CUX1: variants seen among roughly 807,000 people sequenced by gnomAD.
CUX1 encodes the protein cut like homeobox 1, also known as protein CASP.
A neutral mutation model predicts 158.8 loss-of-function variants in CUX1; 31 were observed. The ratio of observed to expected loss-of-function variants is 0.20; its 90% CI spans 0.15 to 0.26. The LOEUF is 0.26. Among genes scored for constraint, CUX1 ranks in the 10% least tolerant of loss-of-function variants. The probability of loss-of-function intolerance (pLI) is 1.00; values close to 1 mark genes in which losing one functional copy is unlikely to be tolerated. For missense variants in CUX1, 1,589 were observed against 2,014.6 expected (o/e 0.79, Z 4.04); for synonymous variants, 879 against 862.1 (o/e 1.02, Z -0.34).
At chr7:102,263,346 C>A in intron 14 of CUX1, among the ~76,000 whole-genome samples, 1 of 126,216 alleles carries the variant, frequency 7.9e-6, no homozygotes, top group Non-Finnish European at 1.6e-5. Flanking sequence ...GATGGAGTCT[C>A]ACTGTTGCCC....
intron 4 of CUX1, among the ~76,000 whole-genome samples, chr7:102,079,512 ATGTGCCACT>A (rs1477553883): frequency 5.3e-5 from 8 of 152,034 alleles, no homozygotes; most frequent in African/African-American, 1.9e-4. Flanking sequence ...AAGTTCATCA[ATGTGCCACT>A]TGGTAGCCTT....
intron 9 of CUX1, among the ~76,000 whole-genome samples, chr7:102,162,932 C>A (rs576628952): frequency 2.0e-5 from 3 of 152,204 alleles, no homozygotes; most frequent in East Asian, 3.9e-4. Flanking sequence ...GGCCAGCCCT[C>A]CCAGAGAGCA....
intron 1 of CUX1, among the ~76,000 whole-genome samples, chr7:101,827,501 G>T (rs960416159): frequency 6.6e-6 from 1 of 152,048 alleles, no homozygotes; most frequent in East Asian, 1.9e-4. Flanking sequence ...TTTAGAGACA[G>T]GGTCTTGCTT....
intron 2 of CUX1, among the ~76,000 whole-genome samples, chr7:101,994,926 C>CAA (rs796784920): frequency 6.1e-4 from 29 of 47,516 alleles, no homozygotes; most frequent in Admixed American, 7.0e-4. Context: ...CTCATCTCTA[C>CAA]AAAAAAAAAA....
chr7:101,818,763 C>T (rs1020157622), intron 1 of CUX1, among the ~76,000 whole-genome samples: 5 of 152,208 alleles, frequency 3.3e-5, no homozygotes, highest in East Asian at 1.9e-4. Context: ...CTGGTTCTTT[C>T]TCTGGGCGGT....
chr7:101,930,174 G>A (rs1420303911), intron 2 of CUX1, among the ~76,000 whole-genome samples: 1 of 152,156 alleles, frequency 6.6e-6, no homozygotes, highest in African/African-American at 2.4e-5. Flanking sequence ...TTAACCATTA[G>A]CAATTCCTCT....
rs941904644 is a variant in CUX1 at position 102,084,713 on chromosome 7, G to A, written c.269-12651G>A. ...ACTGGGATTACAGGTGTGAGCCAAC[G>A]CACCCGGCCACAATATATACTTTAT... On this transcript the variant is annotated intron_variant, in intron 4 of 23. Coordinates refer to ENST00000292535, the MANE Select transcript of CUX1 (RefSeq NM_181552.4). Among the ~76,000 whole-genome samples, 13 of 117,196 alleles carry A rather than the reference G, an allele frequency of 1.1e-4. 4 individuals carry two copies. The highest frequency in any genetic ancestry group is 1.5e-4 in the Non-Finnish European group (7 of 45,792). 76.9% of individuals were successfully genotyped at this position (117,196 alleles called of 152,430 possible).
chr7:101,914,764 G>T (rs971616574), intron 1 of CUX1, among the ~76,000 whole-genome samples: 1 of 152,126 alleles, frequency 6.6e-6, no homozygotes, highest in Non-Finnish European at 1.5e-5. Flanking sequence ...CTCCCAAAGT[G>T]CTGGGATTAC....
At chr7:102,280,045 C>T in exon 19 of CUX1, 1 of 1,606,584 alleles carries the variant, frequency 6.2e-7, no homozygotes, top group South Asian at 1.1e-5. Flanking sequence ...AGGGCAGCGG[C>T]AGTGATGACA....
Position 101,834,000 on chromosome 7 carries a change from T to C in CUX1, c.30+16331T>C, listed in dbSNP as rs552606894. Among the ~76,000 whole-genome samples the C allele has an allele frequency of 4.6e-5, 7 of 152,160 alleles. No individual in the cohort carries two copies. The South Asian group carries it at 1.5e-3, about 32-fold the overall frequency. On this transcript the variant is annotated intron_variant, in intron 1 of 23. Coordinates refer to ENST00000292535, the MANE Select transcript of CUX1 (RefSeq NM_181552.4). ...CGGCCCCTCTGATCCTGTCCTACCC[T>C]GTGCAGCCACGTGCCTTTCCTTATC...
chr7:101,957,993 A>G (rs1475946785), intron 2 of CUX1, among the ~76,000 whole-genome samples: 3 of 152,266 alleles, frequency 2.0e-5, no homozygotes, highest in East Asian at 1.9e-4. Flanking sequence ...TACCCGTGTA[A>G]TGGGGGATCT....
chr7:101,933,490 A>C (rs1371872564), intron 2 of CUX1, among the ~76,000 whole-genome samples: 1 of 152,236 alleles, frequency 6.6e-6, no homozygotes, highest in African/African-American at 2.4e-5. Context: ...CATTGTCTTA[A>C]TGGAGATTAA....
chr7:101,840,755 C>T (rs1002397108), intron 1 of CUX1, among the ~76,000 whole-genome samples: 1 of 152,160 alleles, frequency 6.6e-6, no homozygotes, highest in African/African-American at 2.4e-5. Flanking sequence ...TGAGGATTAT[C>T]TGTATCTTAA....
In CUX1 at chr7:101,872,426, G is replaced by A. The variant is rs151044955; in HGVS notation, c.31-43689G>A. On this transcript the variant is annotated intron_variant, in intron 1 of 23. Transcript: ENST00000292535. Reference sequence around the variant, plus strand: ...TGGGATTACAGGCATGAGCCACCGCGCCCGGCCCATAGAAGGATTTTTTTG... The same window carrying A: ...TGGGATTACAGGCATGAGCCACCGCACCCGGCCCATAGAAGGATTTTTTTG... 7.0e-3 allele frequency among the ~76,000 whole-genome samples: 1,060 copies of A among 152,178 alleles called. 12 individuals carry two copies. Among genetic ancestry groups the A allele is most frequent in the African/African-American group, 0.023 (972 of 41,508 alleles).
chr7:102,180,314 CTTTTTT>C (rs782269252), intron 11 of CUX1, among the ~76,000 whole-genome samples: 1 of 127,778 alleles, frequency 7.8e-6, no homozygotes, highest in Admixed American at 8.3e-5. Flanking sequence ...GAGCCACTGC[CTTTTTT>C]TTTTTTTTTT....
At chr7:102,093,157 CTTT>C (rs34712960) in intron 4 of CUX1, among the ~76,000 whole-genome samples, 37 of 120,756 alleles carry the variant, frequency 3.1e-4, no homozygotes, top group Non-Finnish European at 5.3e-4. Flanking sequence ...AAAACAGAAG[CTTT>C]TTTTTTTTTT....
At chr7:101,828,469 G>A (rs539130214) in intron 1 of CUX1, among the ~76,000 whole-genome samples, 4 of 152,322 alleles carry the variant, frequency 2.6e-5, no homozygotes, top group African/African-American at 9.6e-5. Context: ...TCTGCTGACA[G>A]CCTGAGTGGG....
At chr7:102,234,302 C>A in intron 22 of CUX1, 62 bp downstream of exon 22, 1 of 1,387,716 alleles carries the variant, frequency 7.2e-7, no homozygotes. Context: ...CTGTTTCTTT[C>A]AAATCTTTCA....
chr7:102,198,006 C>T (rs1441228216), intron 15 of CUX1, among the ~76,000 whole-genome samples: 1 of 152,202 alleles, frequency 6.6e-6, no homozygotes, highest in Non-Finnish European at 1.5e-5. Context: ...ATAATTCCAG[C>T]AGTTTGGGAG....
Sources: gnomAD v4.1 joint callset for allele counts (sites outside exome capture counted in the v4.1 genomes callset) on GRCh38, gnomAD v4.1.1 for gene constraint, MANE v1.5 for transcripts, NCBI Gene and HGNC (gene_info 2026-07-23, HGNC 2026-07-21) for gene names.